The following HPS1 variants were observed in gnomAD, a reference collection of about 807,000 sequenced individuals.
The protein encoded by HPS1 is HPS1 biogenesis of lysosomal organelles complex 3 subunit 1.
A neutral mutation model predicts 90.6 loss-of-function variants in HPS1; 59 were observed. The ratio of observed to expected loss-of-function variants is 0.65; its 90% CI spans 0.53 to 0.81. The LOEUF is 0.81. Among genes scored for constraint, HPS1 ranks in the 30% least tolerant of loss-of-function variants. The probability of loss-of-function intolerance (pLI) is 0.00; values close to 1 mark genes in which losing one functional copy is unlikely to be tolerated. For synonymous variants in HPS1, 388 were observed against 384.4 expected (o/e 1.01, Z -0.11); for missense variants, 849 against 896.7 (o/e 0.95, Z 0.68).
intron 18 of HPS1, 109 bp from the exon 19 acceptor site, chr10:98,418,366 T>C (rs1844395846): frequency 1.8e-6 from 1 of 562,240 alleles, no homozygotes; most frequent in Middle Eastern, 2.9e-4. Context: ...GCTGGGTGCT[T>C]GGGAAAATGC....
chr10:98,437,996 C>A (rs150004984), intron 3 of HPS1, among the ~76,000 whole-genome samples: 53 of 152,324 alleles, frequency 3.5e-4, no homozygotes, highest in Non-Finnish European at 4.7e-4. Flanking sequence ...CTCTTCCCCA[C>A]TTTTCTTGAC....
intron 18 of HPS1, among the ~76,000 whole-genome samples, chr10:98,419,010 T>A (rs549401834): frequency 6.6e-6 from 1 of 152,318 alleles, no homozygotes; most frequent in South Asian, 2.1e-4. Flanking sequence ...GGCTCCGGCT[T>A]CCTCACTTAC....
At chr10:98,443,332 C>T (rs752407479) in intron 2 of HPS1, 92 bp from the exon 3 acceptor site, 15 of 913,580 alleles carry the variant, frequency 1.6e-5, no homozygotes, top group Non-Finnish European at 2.2e-5. Context: ...CCTCAGCAAA[C>T]ATTCAGTGAG....
chr10:98,423,279 A>AC (rs10636671), intron 16 of HPS1, among the ~76,000 whole-genome samples: 1,379 of 132,030 alleles, frequency 0.01, 18 homozygotes, highest in African/African-American at 0.019. Context: ...GACCACAGGA[A>AC]CCCCCCCCCC....
At chr10:98,422,619 G>A (rs1162159173) in intron 16 of HPS1, 106 bp from the exon 17 acceptor site, 2 of 1,154,856 alleles carry the variant, frequency 1.7e-6, no homozygotes, top group Admixed American at 1.7e-5. Flanking sequence ...GGCCAGGACT[G>A]CCTCTTTCCA....
At chr10:98,438,068 G>C (rs1451782290) in intron 3 of HPS1, among the ~76,000 whole-genome samples, 1 of 152,196 alleles carries the variant, frequency 6.6e-6, no homozygotes, top group Non-Finnish European at 1.5e-5. Flanking sequence ...CACCACGACT[G>C]TAAGTTTCCT....
rs762945274 is a variant in HPS1 at position 98,431,216 on chromosome 10, C to T, written c.583G>A (p.Val195Ile). 14 of 1,613,990 alleles carry T rather than the reference C, an allele frequency of 8.7e-6. No homozygotes were observed. In the South Asian group the frequency reaches 8.8e-5, roughly 10 times the overall value. Residue 195 changes from valine to isoleucine, a missense_variant, in exon 7 of 20, where the codon GTC (valine) becomes ATC (isoleucine). By Grantham distance (29) the Val-to-Ile change is conservative (BLOSUM62 3). Transcript: ENST00000361490. ...CCTCCCCGCTCGGGGCTGGTGTTGA[C>T]AGCCTGGATGACGTGCCGCTCCAGC... ...EALERHVIQA[V>I]NTSPERGGEE...
chr10:98,434,676 A>AT (rs1847042171), intron 5 of HPS1, among the ~76,000 whole-genome samples: 1 of 152,014 alleles, frequency 6.6e-6, no homozygotes, highest in South Asian at 2.1e-4. Flanking sequence ...AATCCATCTT[A>AT]GAGAATCAGG....
chr10:98,422,626 T>C (rs1458064741), intron 16 of HPS1, 113 bp from the exon 17 acceptor site: 1 of 1,029,306 alleles, frequency 9.7e-7, no homozygotes, highest in Non-Finnish European at 1.5e-6. Flanking sequence ...ACTGCCTCTT[T>C]CCAGCAGCTT....
intron 6 of HPS1, among the ~76,000 whole-genome samples, chr10:98,433,231 C>CA (rs35145578): frequency 0.27 from 23,363 of 85,008 alleles, 2,588 homozygotes; most frequent in African/African-American, 0.3. Context: ...GACTCCATCT[C>CA]AAAAAAAAAA....
rs1846051578 is a variant in HPS1, at chr10:98,429,402, C to T, written c.937+171G>A. 6 of 1,535,466 alleles carry T rather than the reference C, an allele frequency of 3.9e-6. No homozygotes were observed. The South Asian group carries it at 7.2e-5, about 18-fold the overall frequency. On this transcript the variant is annotated intron_variant, in intron 10 of 19. Coordinates refer to ENST00000361490, the MANE Select transcript of HPS1 (RefSeq NM_000195.5). Reference sequence around the variant, plus strand: ...AACAATCCTTGAGTTCAGGCTGGAGCTGGCAGGGAAGATGGGGAGCCGCAG... The same window carrying T: ...AACAATCCTTGAGTTCAGGCTGGAGTTGGCAGGGAAGATGGGGAGCCGCAG...
chr10:98,444,380 C>T (rs931126647), intron 2 of HPS1, among the ~76,000 whole-genome samples: 19 of 152,106 alleles, frequency 1.2e-4, no homozygotes, highest in African/African-American at 3.9e-4. Flanking sequence ...TGGCCCTCTG[C>T]GTGCGGCAAA....
chr10:98,429,264 T>C, intron 10 of HPS1: 1 of 1,213,010 alleles, frequency 8.2e-7, no homozygotes, highest in Non-Finnish European at 1.1e-6. Context: ...TTACTAAATT[T>C]AACTTAATTT....
rs78927693 is a variant in HPS1 at position 98,435,626 on chromosome 10, T to C, written c.255+9A>G. 3,130 of 1,614,068 alleles carry C rather than the reference T, an allele frequency of 1.9e-3. 24 individuals carry two copies. The African/African-American group carries it at 0.025, about 13-fold the overall frequency. ...AAGAGGAACATGGGCCCCAGAGCTA[T>C]AGACTCACCAGGTGAAGGACATACA... On this transcript the variant is annotated intron_variant, in intron 4 of 19. Transcript: ENST00000361490. This position sits in a 1 kb window ranked among gnomAD's most constrained non-coding sequence, Gnocchi z 4.3.
At chr10:98,439,374 G>A (rs12571168) in intron 3 of HPS1, among the ~76,000 whole-genome samples, 3,228 of 152,312 alleles carry the variant, frequency 0.021, 119 homozygotes, top group East Asian at 0.16. Flanking sequence ...ACTGTGCCCT[G>A]CAGAAGCACA....
chr10:98,444,343 TA>T (rs1469846222), intron 2 of HPS1, among the ~76,000 whole-genome samples: 1 of 152,092 alleles, frequency 6.6e-6, no homozygotes, highest in African/African-American at 2.4e-5. Context: ...GGAAGATCTT[TA>T]ATACAGCTTC....
At chr10:98,414,982 C>A, downstream of HPS1, 1 of 1,610,214 alleles carries the variant, frequency 6.2e-7, no homozygotes, top group South Asian at 1.1e-5. Flanking sequence ...CCCCTCAGCT[C>A]TGGCCCGGCC....
intron 18 of HPS1, 58 bp downstream of exon 18, chr10:98,419,987 G>T: frequency 9.6e-7 from 1 of 1,043,930 alleles, no homozygotes; most frequent in Non-Finnish European, 1.5e-6. Flanking sequence ...GAATCCAAGA[G>T]TTACAGAGCG....
At chr10:98,424,496 G>A (rs1294986700) in intron 13 of HPS1, 122 bp from the exon 14 acceptor site, 2 of 804,102 alleles carry the variant, frequency 2.5e-6, no homozygotes, top group East Asian at 5.3e-5. Flanking sequence ...CTGCCCTTCT[G>A]GCCAATGCAG....
Sources: allele counts gnomAD v4.1 joint callset (sites outside exome capture counted in the v4.1 genomes callset), GRCh38; gene constraint gnomAD v4.1.1; non-coding constraint Gnocchi (gnomAD v3.1); transcripts MANE v1.5; gene names NCBI Gene and HGNC (gene_info 2026-07-23, HGNC 2026-07-21).